Variants in GLIS1 observed in about 807,000 individuals in gnomAD.
The protein encoded by GLIS1 is zinc finger protein GLIS1.
Under a neutral mutation model 63.8 loss-of-function variants are expected in GLIS1, and 24 were observed. The ratio of observed to expected loss-of-function variants is 0.38; its 90% CI spans 0.27 to 0.53. The LOEUF (loss-of-function observed/expected upper bound fraction) is 0.53, where lower values mean the gene tolerates loss of function less well. Among genes scored for constraint, GLIS1 ranks in the 20% least tolerant of loss-of-function variants. The pLI is 0.85. For missense variants in GLIS1, 1,036 were observed against 1,074.1 expected, an observed-to-expected ratio of 0.96 and a Z score of 0.50; for synonymous variants, 450 against 482.5, an observed-to-expected ratio of 0.93 and a Z score of 0.88.
rs557164036 is a variant in GLIS1, at chr1:53,577,516, C to A, written c.1320+16592G>T. 3.9e-5 allele frequency among the ~76,000 whole-genome samples: 6 copies of A among 152,294 alleles called. No homozygotes were observed. In the South Asian group the frequency reaches 1.0e-3, roughly 26 times the overall value. On this transcript the variant is annotated intron_variant, in intron 4 of 10. Transcript: ENST00000628545. Reference sequence around the variant, plus strand: ...AGTAAGAACTATCACTCCTTGAGTGCGGGAAGTGAAGTTGTAAATAGGGAA... The same window carrying A: ...AGTAAGAACTATCACTCCTTGAGTGAGGGAAGTGAAGTTGTAAATAGGGAA...
intron 2 of GLIS1, among the ~76,000 whole-genome samples, chr1:53,702,672 C>T (rs1296883060): frequency 6.6e-6 from 1 of 152,256 alleles, no homozygotes; most frequent in Non-Finnish European, 1.5e-5. Flanking sequence ...ACTTGACAGT[C>T]TGCCCTGAAA....
chr1:53,536,310 A>T (rs545514), intron 4 of GLIS1, among the ~76,000 whole-genome samples: 2 of 151,928 alleles, frequency 1.3e-5, no homozygotes, highest in East Asian at 3.9e-4. Context: ...AAAAGCAGGC[A>T]TGTATAACAA....
intron 4 of GLIS1, among the ~76,000 whole-genome samples, chr1:53,538,938 C>T (rs968145674): frequency 4.6e-5 from 7 of 152,182 alleles, no homozygotes; most frequent in East Asian, 1.9e-4. Flanking sequence ...GTGGAACCCC[C>T]GAAAGTAGGA....
At chr1:53,585,708 G>A (rs1201365737) in intron 4 of GLIS1, among the ~76,000 whole-genome samples, 2 of 152,172 alleles carry the variant, frequency 1.3e-5, no homozygotes, top group East Asian at 1.9e-4. Flanking sequence ...GAATCTAACC[G>A]GGAGGAACAC....
intron 2 of GLIS1, among the ~76,000 whole-genome samples, chr1:53,731,484 C>T (rs531570712): frequency 2.0e-5 from 3 of 152,200 alleles, no homozygotes; most frequent in South Asian, 2.1e-4. Flanking sequence ...CCTTCCCAGC[C>T]GCCTGGGTTT....
intron 5 of GLIS1, among the ~76,000 whole-genome samples, chr1:53,529,257 G>A (rs965212069): frequency 6.6e-6 from 1 of 152,216 alleles, no homozygotes; most frequent in African/African-American, 2.4e-5. Context: ...ACCTGCAGGA[G>A]CCTGGAGTCT....
chr1:53,605,839 G>A lies in GLIS1; in HGVS notation c.260-5561C>T, dbSNP rs562873762. On this transcript the variant is annotated intron_variant, in intron 2 of 10. Coordinates refer to ENST00000628545, the MANE Select transcript of GLIS1 (RefSeq NM_001367484.1). ...GTGCCCTCTCATTCCCTCATTCCCA[G>A]CACAGTCAGGCCCACAGCAAGTGCT... Among the ~76,000 whole-genome samples, 78 of 152,348 alleles carry A rather than the reference G, an allele frequency of 5.1e-4. 1 individual carries two copies. Among genetic ancestry groups the A allele is most frequent in the African/African-American group, 1.8e-3 (73 of 41,562 alleles).
intron 5 of GLIS1, among the ~76,000 whole-genome samples, chr1:53,529,085 G>A (rs929987378): frequency 6.6e-6 from 1 of 152,214 alleles, no homozygotes; most frequent in Non-Finnish European, 1.5e-5. Context: ...CAGAGCACAG[G>A]GTCTGTATGA....
chr1:53,734,920 T>C (rs879508232), intron 2 of GLIS1, among the ~76,000 whole-genome samples: 10 of 152,226 alleles, frequency 6.6e-5, no homozygotes, highest in Non-Finnish European at 8.8e-5. Flanking sequence ...TAAACGGGAC[T>C]CTGCCATAAA....
At position 53,627,702 on chromosome 1, in the gene GLIS1, A is replaced by G. The variant is rs576184815; in HGVS notation, c.260-27424T>C. 8.5e-5 allele frequency among the ~76,000 whole-genome samples: 13 copies of G among 152,348 alleles called. 1 individual carries two copies. The South Asian group carries it at 2.3e-3, about 27-fold the overall frequency. On this transcript the variant is annotated intron_variant, in intron 2 of 10. Coordinates refer to ENST00000628545, the MANE Select transcript of GLIS1 (RefSeq NM_001367484.1). ...TAAAGAGATAGCAGAATGCAGGGCC[A>G]ATGTGCCTGGCTGGGGAGTCCACTG...
chr1:53,515,079 ATGTGTGTGTGTGTGTG>A (rs5774151), intron 7 of GLIS1, among the ~76,000 whole-genome samples: 5 of 142,098 alleles, frequency 3.5e-5, no homozygotes, highest in Middle Eastern at 3.6e-3. Flanking sequence ...GTGTGTGTAT[ATGTGTGTGTGTGTGTG>A]TGTGTGTGTG....
chr1:53,568,160 G>A (rs1644952796), intron 4 of GLIS1, among the ~76,000 whole-genome samples: 1 of 152,224 alleles, frequency 6.6e-6, no homozygotes, highest in African/African-American at 2.4e-5. Flanking sequence ...GGCCTTGAGA[G>A]CCCACCCTTT....
At chr1:53,714,140 T>C (rs1456095053) in intron 2 of GLIS1, among the ~76,000 whole-genome samples, 1 of 152,232 alleles carries the variant, frequency 6.6e-6, no homozygotes, top group African/African-American at 2.4e-5. Flanking sequence ...GGTCCAAAGT[T>C]AGCAGGAGAT....
chr1:53,514,549 G>A, intron 8 of GLIS1, 76 bp downstream of exon 8: 1 of 1,449,656 alleles, frequency 6.9e-7, no homozygotes, highest in Non-Finnish European at 9.6e-7. Flanking sequence ...AGATAGTGCG[G>A]GACACCTGCT....
At chr1:53,645,630 C>T (rs906570247) in intron 2 of GLIS1, among the ~76,000 whole-genome samples, 3 of 152,216 alleles carry the variant, frequency 2.0e-5, no homozygotes, top group Admixed American at 6.5e-5. Context: ...CCTTGGGGTA[C>T]AGGCCAACAT....
chr1:53,543,990 G>A (rs1341286431), intron 4 of GLIS1, among the ~76,000 whole-genome samples: 1 of 152,216 alleles, frequency 6.6e-6, no homozygotes, highest in Non-Finnish European at 1.5e-5. Flanking sequence ...GGAGCTCCAT[G>A]GAGAACCAAG....
rs374625209 is a variant in GLIS1 at position 53,526,406 on chromosome 1, G to A, written c.1483-1519C>T. ...AAACGGAGGAGAGCAAAAAGAGAGA[G>A]ACAGCAGTGAGAAGCTTGCCGGGGT... is the stretch of plus-strand genomic sequence containing the variant. On this transcript the variant is annotated intron_variant, in intron 5 of 10. Transcript: ENST00000628545. The surrounding 1 kb of genome is among the most constrained non-coding windows in gnomAD (Gnocchi z 4.4). Among the ~76,000 whole-genome samples, 1 of 152,204 alleles carries A rather than the reference G, an allele frequency of 6.6e-6. No homozygotes were observed. Among genetic ancestry groups the A allele is most frequent in the East Asian group, 1.9e-4 (1 of 5,194 alleles).
intron 4 of GLIS1, among the ~76,000 whole-genome samples, chr1:53,588,833 T>C (rs1301491746): frequency 6.6e-6 from 1 of 152,240 alleles, no homozygotes; most frequent in Non-Finnish European, 1.5e-5. Context: ...AGGCAGGTCA[T>C]ACAGAGCAAG....
intron 10 of GLIS1, among the ~76,000 whole-genome samples, chr1:53,507,298 A>G (rs569772124): frequency 3.7e-4 from 56 of 152,248 alleles, no homozygotes; most frequent in African/African-American, 1.3e-3. Flanking sequence ...GGGATTCACT[A>G]TCCTATTGTA....
Sources: allele counts gnomAD v4.1 joint callset (sites outside exome capture counted in the v4.1 genomes callset), GRCh38; gene constraint gnomAD v4.1.1; non-coding constraint Gnocchi (gnomAD v3.1); transcripts MANE v1.5; gene names NCBI Gene and HGNC (gene_info 2026-07-23, HGNC 2026-07-21).